NEGR1: variants seen among roughly 807,000 people sequenced by gnomAD.
NEGR1 encodes IgLON family member 4.
A neutral mutation model predicts 40.9 loss-of-function variants in NEGR1; 10 were observed. That is an observed-to-expected ratio of 0.24 (90% confidence interval 0.15 to 0.42). The LOEUF is 0.42. NEGR1 is among the 10% of genes least tolerant of loss of function. The pLI is 1.00. For synonymous variants in NEGR1, 185 were observed against 166.8 expected (o/e 1.11, Z -0.84); for missense variants, 352 against 438.9 (o/e 0.80, Z 1.77).
chr1:71,598,307 A>G (rs928042762), intron 5 of NEGR1, among the ~76,000 whole-genome samples: 1 of 152,198 alleles, frequency 6.6e-6, no homozygotes, highest in African/African-American at 2.4e-5. Flanking sequence ...CAAGGGAGCT[A>G]AATAGCCAAG....
intron 6 of NEGR1, among the ~76,000 whole-genome samples, chr1:71,563,587 AG>A (rs1321402041): frequency 6.6e-6 from 1 of 152,006 alleles, no homozygotes; most frequent in Non-Finnish European, 1.5e-5. Flanking sequence ...TATCATTTAG[AG>A]AAATAGAAGA....
chr1:72,056,587 G>A (rs560829797), intron 1 of NEGR1, among the ~76,000 whole-genome samples: 1 of 151,464 alleles, frequency 6.6e-6, no homozygotes, highest in South Asian at 2.1e-4. Flanking sequence ...AAAGGGATAT[G>A]AATATCAACA....
At chr1:71,988,355 A>C (rs1038754567) in intron 1 of NEGR1, among the ~76,000 whole-genome samples, 1 of 151,764 alleles carries the variant, frequency 6.6e-6, no homozygotes, top group Non-Finnish European at 1.5e-5. Flanking sequence ...CTGGCTAACA[A>C]GGTGAAACCC....
chr1:72,166,226 TA>T (rs904669508), intron 1 of NEGR1, among the ~76,000 whole-genome samples: 4 of 151,668 alleles, frequency 2.6e-5, no homozygotes, highest in Admixed American at 6.6e-5. Context: ...AGTTTCAGGT[TA>T]AAAAAAATAT....
chr1:71,432,396 C>T (rs931475144), intron 6 of NEGR1, among the ~76,000 whole-genome samples: 1 of 151,794 alleles, frequency 6.6e-6, no homozygotes, highest in Admixed American at 6.6e-5. Context: ...GTTTGTGTTC[C>T]CTCCAAAACT....
At chr1:71,651,046 G>A (rs1012423076) in intron 4 of NEGR1, among the ~76,000 whole-genome samples, 1 of 151,990 alleles carries the variant, frequency 6.6e-6, no homozygotes, top group African/African-American at 2.4e-5. Context: ...TCTTTTCTTG[G>A]CTGATGTACA....
chr1:71,871,224 A>G (rs1452044720), intron 2 of NEGR1, among the ~76,000 whole-genome samples: 1 of 152,176 alleles, frequency 6.6e-6, no homozygotes, highest in Non-Finnish European at 1.5e-5. Context: ...TGCAGGTGAC[A>G]TATTAGGCTG....
chr1:71,926,975 T>A (rs1645780303), intron 2 of NEGR1, among the ~76,000 whole-genome samples: 1 of 152,168 alleles, frequency 6.6e-6, no homozygotes, highest in African/African-American at 2.4e-5. Flanking sequence ...AAAAGTAATG[T>A]TCAATAATTC....
chr1:71,911,455 T>C (rs1186840013), intron 2 of NEGR1, among the ~76,000 whole-genome samples: 1 of 152,178 alleles, frequency 6.6e-6, no homozygotes, highest in African/African-American at 2.4e-5. Flanking sequence ...ATAGGATTAA[T>C]ATACCTATTC....
At chr1:71,978,414 A>G (rs1196989728) in intron 1 of NEGR1, among the ~76,000 whole-genome samples, 1 of 152,130 alleles carries the variant, frequency 6.6e-6, no homozygotes, top group Non-Finnish European at 1.5e-5. Context: ...CAATGTATTC[A>G]TGTTTTCTAC....
chr1:71,810,433 T>C (rs1351723259), intron 2 of NEGR1, among the ~76,000 whole-genome samples: 10 of 152,140 alleles, frequency 6.6e-5, no homozygotes, highest in African/African-American at 2.4e-4. Flanking sequence ...AATCTAATTA[T>C]AACCATGAAT....
At chr1:71,511,155 G>A (rs534490209) in intron 6 of NEGR1, among the ~76,000 whole-genome samples, 5 of 152,290 alleles carry the variant, frequency 3.3e-5, no homozygotes, top group African/African-American at 4.8e-5. Flanking sequence ...TATTTTAACC[G>A]CAGTTGACAC....
chr1:71,792,391 A>G (rs1657150255), intron 2 of NEGR1, among the ~76,000 whole-genome samples: 1 of 152,128 alleles, frequency 6.6e-6, no homozygotes, highest in South Asian at 2.1e-4. Context: ...AGATGGAAAT[A>G]TGTTTCTCAG....
At chr1:72,082,716 A>AC (rs897164349) in intron 1 of NEGR1, among the ~76,000 whole-genome samples, 5 of 111,900 alleles carry the variant, frequency 4.5e-5, no homozygotes, top group African/African-American at 2.0e-4. Flanking sequence ...ACAAAAAACA[A>AC]AAAAAAAAAA....
In NEGR1 at chr1:72,199,146, C is replaced by CAGAGAGAGAGAGAGAG. The variant is rs1339899074; in HGVS notation, c.176+83172_176+83173insCTCTCTCTCTCTCTCT. 2.4e-4 allele frequency among the ~76,000 whole-genome samples: 34 copies of CAGAGAGAGAGAGAGAG among 139,162 alleles called. 2 individuals carry two copies. Among genetic ancestry groups the CAGAGAGAGAGAGAGAG allele is most frequent in the African/African-American group, 9.0e-4 (32 of 35,686 alleles). 91.3% of individuals were successfully genotyped at this position (139,162 alleles called of 152,430 possible). The stretch of plus-strand genomic sequence containing the variant: ...TACATTGGAGATCTATCTAGATAGA[C>CAGAGAGAGAGAGAGAG]AGACAGAGAGAGAGAGAGAGAGAGA... On this transcript the variant is annotated intron_variant, in intron 1 of 6. Transcript: ENST00000357731.
At chr1:71,482,644 T>C (rs745893568) in intron 6 of NEGR1, among the ~76,000 whole-genome samples, 2 of 151,904 alleles carry the variant, frequency 1.3e-5, no homozygotes, top group Non-Finnish European at 2.9e-5. Context: ...TGTTTTGATA[T>C]TTATTACTTT....
At position 71,721,431 on chromosome 1, in the gene NEGR1, A is replaced by G. The variant is rs189822478; in HGVS notation, c.536-23292T>C. Among the ~76,000 whole-genome samples, 3 of 152,282 alleles carry G rather than the reference A, an allele frequency of 2.0e-5. No individual in the cohort carries two copies. The East Asian group carries it at 5.8e-4, about 29-fold the overall frequency. The stretch of plus-strand genomic sequence containing the variant: ...AGTCATTACTTTAAAAGCTGGGAAT[A>G]TAAGGGTGAACAGGTCATCCAAGGT... On this transcript the variant is annotated intron_variant, in intron 3 of 6. Transcript: ENST00000357731.
chr1:71,511,310 T>A (rs2101415955), intron 6 of NEGR1, among the ~76,000 whole-genome samples: 1 of 152,346 alleles, frequency 6.6e-6, no homozygotes. Flanking sequence ...GTATCTCTAA[T>A]ATTAGTTTCT....
chr1:71,788,455 A>G (rs2101732255), intron 2 of NEGR1, among the ~76,000 whole-genome samples: 1 of 151,942 alleles, frequency 6.6e-6, no homozygotes, highest in South Asian at 2.1e-4. Flanking sequence ...GGAAAAAAAA[A>G]GTTGTGTTTT....
Sources: allele counts gnomAD v4.1 joint callset (sites outside exome capture counted in the v4.1 genomes callset), GRCh38; gene constraint gnomAD v4.1.1; transcripts MANE v1.5; gene names NCBI Gene and HGNC (gene_info 2026-07-23, HGNC 2026-07-21).